The following EYS variants were observed in gnomAD, a reference collection of about 807,000 sequenced individuals.
EYS encodes the protein protein eyes shut homolog.
EYS carries 250 observed loss-of-function variants against 282.1 expected under a neutral mutation model. That is an observed-to-expected ratio of 0.89 (90% confidence interval 0.80 to 0.98). The LOEUF is 0.98. Among genes scored for constraint, EYS ranks in the 50% least tolerant of loss-of-function variants. The pLI is 0.00. For synonymous variants in EYS, 1,355 were observed against 1,282.9 expected (o/e 1.06, Z -1.20); for missense variants, 4,016 against 3,709.0 (o/e 1.08, Z -2.15).
At chr6:63,752,236 A>G (rs1342030405) in intron 41 of EYS, among the ~76,000 whole-genome samples, 1 of 152,178 alleles carries the variant, frequency 6.6e-6, no homozygotes, top group Non-Finnish European at 1.5e-5. Context: ...GACACAATTG[A>G]TATCCAAGAG....
intron 14 of EYS, among the ~76,000 whole-genome samples, chr6:64,985,829 G>C (rs182327070): frequency 5.9e-5 from 9 of 151,446 alleles, no homozygotes; most frequent in African/African-American, 1.7e-4. Flanking sequence ...TTTAAAAGAG[G>C]GTTCAGAAGA....
intron 33 of EYS, among the ~76,000 whole-genome samples, chr6:64,048,281 A>C (rs187896638): frequency 7.9e-4 from 120 of 152,292 alleles, no homozygotes; most frequent in Admixed American, 4.3e-3. Flanking sequence ...TCTCAGGGAC[A>C]CACACCCATT....
chr6:63,884,013 A>G (rs546320396), intron 35 of EYS, among the ~76,000 whole-genome samples: 1 of 152,292 alleles, frequency 6.6e-6, no homozygotes, highest in African/African-American at 2.4e-5. Context: ...AACTTATTTT[A>G]TTACACATTT....
rs148199514 is a variant in EYS, at chr6:65,648,618, G to A, written c.-447-8726C>T. Among the ~76,000 whole-genome samples, 744 of 152,028 alleles carry A rather than the reference G, an allele frequency of 4.9e-3. 6 individuals are homozygous for A. The highest frequency in any genetic ancestry group is 0.017 in the African/African-American group (702 of 41,480). ...ATTGGGTACATTGTACACTGCTTGG[G>A]TGATGGGTGCACCAAAATCTCAGAA... On this transcript the variant is annotated intron_variant, in intron 1 of 42. Transcript: ENST00000503581.
intron 22 of EYS, among the ~76,000 whole-genome samples, chr6:64,652,394 G>A (rs1582999427): frequency 6.6e-6 from 1 of 152,136 alleles, no homozygotes; most frequent in East Asian, 1.9e-4. Context: ...TGTGAACAAG[G>A]GGGCAAGGAC....
At chr6:64,453,792 G>T (rs1775454412) in intron 26 of EYS, among the ~76,000 whole-genome samples, 1 of 152,082 alleles carries the variant, frequency 6.6e-6, no homozygotes, top group South Asian at 2.1e-4. Context: ...TCACTCGTAG[G>T]TGGGAATTGA....
intron 31 of EYS, among the ~76,000 whole-genome samples, chr6:64,201,974 A>G (rs1426551488): frequency 6.6e-6 from 1 of 152,176 alleles, no homozygotes; most frequent in Non-Finnish European, 1.5e-5. Context: ...ACATGCTACA[A>G]TGCACAGGAC....
At chr6:65,523,543 A>G (rs1767448713) in intron 2 of EYS, among the ~76,000 whole-genome samples, 1 of 152,186 alleles carries the variant, frequency 6.6e-6, no homozygotes, top group South Asian at 2.1e-4. Flanking sequence ...AAATGGGGAA[A>G]TTTTGGGCAA....
intron 5 of EYS, among the ~76,000 whole-genome samples, chr6:65,462,503 G>A (rs1176494866): frequency 6.6e-6 from 1 of 151,806 alleles, no homozygotes; most frequent in Non-Finnish European, 1.5e-5. Flanking sequence ...AACAATAACT[G>A]GAAGTAGAAA....
intron 22 of EYS, among the ~76,000 whole-genome samples, chr6:64,666,476 G>A (rs1422860773): frequency 6.6e-6 from 1 of 152,170 alleles, no homozygotes; most frequent in Non-Finnish European, 1.5e-5. Flanking sequence ...TAGTTCCCAT[G>A]ACATTCCCAT....
At chr6:65,094,309 A>G (rs1165468014) in intron 12 of EYS, among the ~76,000 whole-genome samples, 3 of 141,272 alleles carry the variant, frequency 2.1e-5, no homozygotes, top group African/African-American at 7.6e-5. Flanking sequence ...TGAATGGGAT[A>G]TCTTAACGAA....
At chr6:65,704,792 T>A (rs1218786109) in intron 1 of EYS, among the ~76,000 whole-genome samples, 1 of 152,198 alleles carries the variant, frequency 6.6e-6, no homozygotes. Flanking sequence ...CACCAAACCT[T>A]ACACAGCAGT....
chr6:65,583,969 A>T (rs1764954509), intron 2 of EYS, among the ~76,000 whole-genome samples: 1 of 70,738 alleles, frequency 1.4e-5, no homozygotes, highest in Admixed American at 1.2e-4. Context: ...ACTTAAAATA[A>T]AAAAAAAAAA....
intron 26 of EYS, among the ~76,000 whole-genome samples, chr6:64,569,450 A>G (rs1765652613): frequency 6.6e-6 from 1 of 152,018 alleles, no homozygotes; most frequent in Non-Finnish European, 1.5e-5. Flanking sequence ...GAGAAAAAAG[A>G]ATGAAAAGGA....
intron 5 of EYS, among the ~76,000 whole-genome samples, chr6:65,424,132 C>G (rs773348604): frequency 9.9e-5 from 15 of 151,934 alleles, no homozygotes; most frequent in Admixed American, 9.2e-4. Context: ...CCAAAGACTG[C>G]CAACATTTTT....
chr6:64,307,030 T>G lies in EYS; in HGVS notation c.6131A>C (p.Asn2044Thr). 1 of 1,545,778 alleles carries G rather than the reference T, an allele frequency of 6.5e-7. No homozygotes were observed. Among genetic ancestry groups the G allele is most frequent in the African/African-American group, 1.4e-5 (1 of 73,032 alleles). Residue 2044 changes from asparagine to threonine, a missense_variant, in exon 30 of 43, where the codon AAT becomes ACT. Physicochemically the swap from Asn to Thr is moderately conservative, Grantham distance 65 (BLOSUM62 0). Transcript: ENST00000503581. The part of the protein sequence containing the change: ...FTGCIEVIEI[N>T]NWRSFIPSKA... Reference sequence around the variant, plus strand: ...GGATGGAATGAAAGATCTCCAGTTATTTATTTCTATAACTTCTATGCAGCC... The same window carrying G: ...GGATGGAATGAAAGATCTCCAGTTAGTTATTTCTATAACTTCTATGCAGCC...
At chr6:63,767,794 C>T (rs188296459) in intron 40 of EYS, among the ~76,000 whole-genome samples, 12 of 151,980 alleles carry the variant, frequency 7.9e-5, no homozygotes, top group Non-Finnish European at 1.5e-4. Flanking sequence ...AGAACAAGGC[C>T]GGAGACATCA....
chr6:65,276,155 T>C (rs1014894574), intron 12 of EYS, among the ~76,000 whole-genome samples: 3 of 152,150 alleles, frequency 2.0e-5, no homozygotes, highest in African/African-American at 7.2e-5. Context: ...TCAGTTATAG[T>C]GCCAGTGAGG....
rs1304096306 is a variant in EYS, at chr6:64,085,336, G to GCACACACACACACACA, written c.6425-3335_6425-3334insTGTGTGTGTGTGTGTG. On this transcript the variant is annotated intron_variant, in intron 31 of 42. Transcript: ENST00000503581. Reference sequence around the variant, plus strand: ...CAGACGCGCGCGCGTGCGCACGTGCGCGCGCACACACACACACACACACAC... The same window carrying GCACACACACACACACA: ...CAGACGCGCGCGCGTGCGCACGTGCGCACACACACACACACACGCGCACACACACACACACACACAC... Among the ~76,000 whole-genome samples the GCACACACACACACACA allele has an allele frequency of 1.3e-3, 97 of 76,680 alleles. 1 individual carries two copies. In the East Asian group the frequency reaches 0.044, roughly 34 times the overall value. The allele number at this position is 76,680 out of a possible 152,430, so 50.3% of individuals were successfully genotyped here. A position where few individuals can be genotyped will look rare whatever the true frequency, so the allele number is the denominator to read the frequency against.
Sources: gnomAD v4.1 joint callset for allele counts (sites outside exome capture counted in the v4.1 genomes callset) on GRCh38, gnomAD v4.1.1 for gene constraint, MANE v1.5 for transcripts, NCBI Gene and HGNC (gene_info 2026-07-23, HGNC 2026-07-21) for gene names.